The following UGT2B11 variants were observed in gnomAD, a reference collection of about 807,000 sequenced individuals.
UGT2B11 encodes the protein UDP glucuronosyltransferase family 2 member B11.
In UGT2B11, 49 loss-of-function variants were observed where a neutral mutation model predicts 51.7. That is an observed-to-expected ratio of 0.95 (90% confidence interval 0.75 to 1.20). The LOEUF (loss-of-function observed/expected upper bound fraction) is 1.20, where lower values mean the gene tolerates loss of function less well. Ranked by LOEUF, UGT2B11 falls within the 50% of genes most tolerant of loss-of-function variation. The pLI is 0.00. For missense variants in UGT2B11, 810 were observed against 622.1 expected (o/e 1.30, Z -3.21); for synonymous variants, 273 against 209.0 (o/e 1.31, Z -2.64).
At chr4:69,217,628 G>A (rs1722307285), upstream of UGT2B11, among the ~76,000 whole-genome samples, 1 of 151,810 alleles carries the variant, frequency 6.6e-6, no homozygotes, top group Non-Finnish European at 1.5e-5. Context: ...TCCAATGCCT[G>A]GTCATATGTA....
chr4:69,205,322 G>A (rs1459959692), intron 4 of UGT2B11, among the ~76,000 whole-genome samples, 158 bp downstream of exon 4: 1 of 151,738 alleles, frequency 6.6e-6, no homozygotes. Flanking sequence ...ATCATAAAAT[G>A]CCAACAATTC....
At chr4:69,219,070 TC>T (rs1489000233), upstream of UGT2B11, among the ~76,000 whole-genome samples, 1 of 152,094 alleles carries the variant, frequency 6.6e-6, no homozygotes, top group East Asian at 1.9e-4. Context: ...GCCTTCTTTC[TC>T]TTCAGCCTCA....
At chr4:69,221,638 A>G in the UGT2B11 span, among the ~76,000 whole-genome samples, 4 of 152,218 alleles carry the variant, frequency 2.6e-5, no homozygotes, top group South Asian at 2.1e-4. Context: ...AAGTCTCCCA[A>G]TTGCAGCTGA....
At chr4:69,209,885 A>T (rs1378516292) in intron 2 of UGT2B11, among the ~76,000 whole-genome samples, 1 of 151,648 alleles carries the variant, frequency 6.6e-6, no homozygotes, top group Non-Finnish European at 1.5e-5. Flanking sequence ...ATAATATTAT[A>T]AAAATAATAC....
At chr4:69,221,792 A>G in the UGT2B11 span, among the ~76,000 whole-genome samples, 36 of 152,288 alleles carry the variant, frequency 2.4e-4, no homozygotes, top group African/African-American at 8.4e-4. Flanking sequence ...CTGGCCCTCA[A>G]TGGTCAAACT....
chr4:69,214,062 C>T lies in UGT2B11; in HGVS notation c.661G>A (p.Asp221Asn), dbSNP rs1185611294. The T allele has an allele frequency of 1.2e-6, 2 of 1,605,574 alleles. No individual in the cohort carries two copies. The highest frequency in any genetic ancestry group is 1.7e-5 in the Admixed American group (1 of 58,196). The change falls in exon 1 of 6, where the codon GAC becomes AAC. Residue 221 changes from aspartate (D) to asparagine (N), a missense_variant. Coordinates refer to ENST00000446444, the MANE Select transcript of UGT2B11 (RefSeq NM_001073.3). ...ATATCAGACATTTGGAACCAAAAGT[C>T]AAAATAAAGCACATAGATCATATTT... is the stretch of plus-strand genomic sequence containing the variant. The part of the protein sequence containing the change: ...VKNMIYVLYF[D>N]FWFQMSDMKK...
At chr4:69,205,986 C>T (rs1222949253) in intron 3 of UGT2B11, among the ~76,000 whole-genome samples, 17 of 151,476 alleles carry the variant, frequency 1.1e-4, no homozygotes, top group African/African-American at 3.6e-4. Flanking sequence ...ATGATGTTGG[C>T]GAGGTTGTAT....
chr4:69,204,973 A>G (rs542142957), intron 4 of UGT2B11, among the ~76,000 whole-genome samples: 1 of 151,772 alleles, frequency 6.6e-6, no homozygotes, highest in African/African-American at 2.4e-5. Flanking sequence ...ACAGTCACAG[A>G]GTGTGATATG....
intron 5 of UGT2B11, among the ~76,000 whole-genome samples, chr4:69,202,397 A>T (rs1307637565): frequency 6.6e-6 from 1 of 151,746 alleles, no homozygotes; most frequent in African/African-American, 2.4e-5. Flanking sequence ...ATTTAAAGAT[A>T]TTTTAGTAAT....
chr4:69,217,792 T>C (rs1722311341), upstream of UGT2B11, among the ~76,000 whole-genome samples: 1 of 152,042 alleles, frequency 6.6e-6, no homozygotes, highest in African/African-American at 2.4e-5. Context: ...ATACATTGCC[T>C]AGCATATAGA....
In UGT2B11 at chr4:69,208,415, A is replaced by T; in HGVS notation, c.938T>A (p.Ile313Lys). 6.2e-7 allele frequency: 1 copy of T among 1,610,728 alleles called. No individual in the cohort carries two copies. The highest frequency in any genetic ancestry group is 8.5e-7 in the Non-Finnish European group (1 of 1,178,202). ...GVVVFSLGSV[I>K]SNMTAERANV... ...GGCCCTTTCTGCTGTCATGTTACTT[A>T]TCACTGACCCCAGAGAAAACACCAC... Residue 313 changes from isoleucine (I) to lysine (K), a missense_variant, in exon 3 of 6, where the codon ATA becomes AAA. Ile to Lys is a moderately radical substitution (Grantham distance 102). Transcript: ENST00000446444.
At chr4:69,202,822 C>A (rs1218212275) in intron 5 of UGT2B11, among the ~76,000 whole-genome samples, 1 of 151,578 alleles carries the variant, frequency 6.6e-6, no homozygotes, top group Non-Finnish European at 1.5e-5. Context: ...TTCCCATCTT[C>A]TTTAAAGGTA....
chr4:69,208,205 G>T, intron 3 of UGT2B11, 146 bp downstream of exon 3: 2 of 1,468,372 alleles, frequency 1.4e-6, no homozygotes, highest in Admixed American at 2.3e-5. Context: ...ACTATTACTT[G>T]TGTTGGTGGA....
At chr4:69,205,798 T>G in intron 3 of UGT2B11, 2 of 439,902 alleles carry the variant, frequency 4.5e-6, no homozygotes, top group Non-Finnish European at 7.5e-6. Flanking sequence ...AGACTATCAA[T>G]GAAAAGTTCA....
In UGT2B11 at chr4:69,200,719, T is replaced by C; in HGVS notation, c.1311A>G (p.Leu437=). The change falls in exon 6 of 6, where the codon TTA becomes TTG. Residue 437 remains leucine, a splice_region_variant and synonymous_variant. Coordinates refer to ENST00000446444, the MANE Select transcript of UGT2B11 (RefSeq NM_001073.3). ...NALKTVINDP[L]YKENIMKLSR... is the part of the protein sequence containing the mutation. The stretch of plus-strand genomic sequence containing the variant: ...ATAATTTCATAATATTCTCTTTATA[T>C]CTGAAGGATAAAAATAAGGATACCA... 3 of 1,606,562 alleles carry C rather than the reference T, an allele frequency of 1.9e-6. No individual in the cohort carries two copies. The highest frequency in any genetic ancestry group is 2.5e-6 in the Non-Finnish European group (3 of 1,176,536).
At chr4:69,224,209 A>T in the UGT2B11 span, among the ~76,000 whole-genome samples, 2 of 152,158 alleles carry the variant, frequency 1.3e-5, no homozygotes, top group Admixed American at 6.5e-5. Flanking sequence ...TGAGGAAAGA[A>T]GTCTGGCCGG....
chr4:69,208,862 T>C (rs1721955499), intron 2 of UGT2B11, among the ~76,000 whole-genome samples: 1 of 151,654 alleles, frequency 6.6e-6, no homozygotes, highest in Non-Finnish European at 1.5e-5. Flanking sequence ...AATCCTATGT[T>C]TTTGTTCTAC....
intron 1 of UGT2B11, among the ~76,000 whole-genome samples, 163 bp from the exon 2 acceptor site, chr4:69,212,884 T>C (rs1722127842): frequency 6.6e-6 from 1 of 150,808 alleles, no homozygotes; most frequent in Admixed American, 6.6e-5. Context: ...GTATTATATA[T>C]TTTGTCCATG....
upstream of UGT2B11, among the ~76,000 whole-genome samples, chr4:69,217,449 G>T (rs778416568): frequency 6.6e-6 from 1 of 152,082 alleles, no homozygotes; most frequent in Non-Finnish European, 1.5e-5. Context: ...TAATGTCCTT[G>T]AGTGCATGCA....
Sources: gnomAD v4.1 joint callset for allele counts (sites outside exome capture counted in the v4.1 genomes callset) on GRCh38, gnomAD v4.1.1 for gene constraint, MANE v1.5 for transcripts, NCBI Gene and HGNC (gene_info 2026-07-23, HGNC 2026-07-21) for gene names.